The following LDB2 variants were observed in gnomAD, a reference collection of about 807,000 sequenced individuals.
LDB2 encodes the protein LIM domain-binding protein 2.
LDB2 carries 12 observed loss-of-function variants against 44.3 expected under a neutral mutation model. The ratio of observed to expected loss-of-function variants is 0.27; its 90% CI spans 0.17 to 0.44. The LOEUF (loss-of-function observed/expected upper bound fraction) is 0.44, where lower values mean the gene tolerates loss of function less well. Ranked by LOEUF, LDB2 falls within the 20% of genes least tolerant of loss-of-function variation. LDB2 has a pLI of 1.00. For missense variants in LDB2, 344 were observed against 473.5 expected (o/e 0.73, Z 2.54); for synonymous variants, 164 against 174.8 (o/e 0.94, Z 0.49).
intron 5 of LDB2, among the ~76,000 whole-genome samples, chr4:16,565,241 A>G (rs1200621944): frequency 1.3e-5 from 2 of 152,200 alleles, no homozygotes; most frequent in Non-Finnish European, 2.9e-5. Flanking sequence ...TGAGAACAGT[A>G]ATGATACCTA....
intron 1 of LDB2, among the ~76,000 whole-genome samples, chr4:16,894,147 A>G (rs1291351296): frequency 6.6e-6 from 1 of 152,036 alleles, no homozygotes; most frequent in Non-Finnish European, 1.5e-5. Context: ...TTTATATCCT[A>G]TCTGACTGTA....
chr4:16,841,325 A>G (rs535413347), intron 1 of LDB2, among the ~76,000 whole-genome samples: 1 of 152,244 alleles, frequency 6.6e-6, no homozygotes, highest in Non-Finnish European at 1.5e-5. Flanking sequence ...ACAATATCCC[A>G]GAACAATCAA....
intron 2 of LDB2, among the ~76,000 whole-genome samples, chr4:16,607,061 A>C (rs1373008915): frequency 2.0e-5 from 3 of 152,232 alleles, no homozygotes; most frequent in Admixed American, 6.5e-5. Context: ...TCAGGGTTGG[A>C]TATTATACAA....
At chr4:16,694,755 T>C (rs374789919) in intron 2 of LDB2, among the ~76,000 whole-genome samples, 15 of 152,368 alleles carry the variant, frequency 9.8e-5, no homozygotes, top group East Asian at 9.6e-4. Flanking sequence ...TACCACCATG[T>C]ACTCGTCGGC....
chr4:16,605,198 T>C (rs1723596807), intron 2 of LDB2, among the ~76,000 whole-genome samples: 1 of 152,196 alleles, frequency 6.6e-6, no homozygotes, highest in Admixed American at 6.5e-5. Context: ...TGATCATGAA[T>C]GGCACTTAAC....
chr4:16,825,238 A>T (rs1243395136), intron 1 of LDB2, among the ~76,000 whole-genome samples: 1 of 152,202 alleles, frequency 6.6e-6, no homozygotes, highest in African/African-American at 2.4e-5. Context: ...TATTCCTAAT[A>T]TGAATCCTCA....
intron 2 of LDB2, among the ~76,000 whole-genome samples, chr4:16,694,220 T>G (rs888989337): frequency 4.0e-4 from 61 of 152,212 alleles, no homozygotes; most frequent in Non-Finnish European, 2.9e-5. Flanking sequence ...TTTTAATGGA[T>G]TCCTGACCCT....
chr4:16,776,853 T>C (rs1381043695), intron 1 of LDB2, among the ~76,000 whole-genome samples: 1 of 152,212 alleles, frequency 6.6e-6, no homozygotes, highest in Non-Finnish European at 1.5e-5. Flanking sequence ...TCTTTAGAGC[T>C]GGGCTTCTCA....
chr4:16,559,712 G>A (rs1034069185), intron 5 of LDB2, among the ~76,000 whole-genome samples: 126 of 151,998 alleles, frequency 8.3e-4, no homozygotes, highest in African/African-American at 2.2e-3. Context: ...TGCACCAAGC[G>A]GACCTAATAG....
intron 1 of LDB2, among the ~76,000 whole-genome samples, chr4:16,806,213 T>C (rs1227781167): frequency 6.6e-6 from 1 of 152,220 alleles, no homozygotes; most frequent in Non-Finnish European, 1.5e-5. Context: ...GAGCAGCCAA[T>C]TAACATTCTA....
rs140711252 is a variant in LDB2, at chr4:16,618,813, C to A, written c.236-22938G>T. ...TAATCTTCAGTGTTGGAAGAGGGGCCTGGTGGGAGGTAAAGGAATCACAGG... is the reference window on the plus strand; with the variant it reads ...TAATCTTCAGTGTTGGAAGAGGGGCATGGTGGGAGGTAAAGGAATCACAGG... On this transcript the variant is annotated intron_variant, in intron 2 of 7. Transcript: ENST00000304523. Among the ~76,000 whole-genome samples the A allele has an allele frequency of 2.4e-4, 36 of 152,258 alleles. No homozygotes were observed. The East Asian group carries it at 7.0e-3, about 29-fold the overall frequency.
chr4:16,755,411 G>A (rs910821129), intron 2 of LDB2, among the ~76,000 whole-genome samples: 11 of 150,866 alleles, frequency 7.3e-5, no homozygotes, highest in African/African-American at 2.2e-4. Context: ...TCTGTTACCA[G>A]AAATGTGTGT....
chr4:16,667,479 AT>A (rs2152550743), intron 2 of LDB2, among the ~76,000 whole-genome samples: 1 of 152,238 alleles, frequency 6.6e-6, no homozygotes, highest in East Asian at 1.9e-4. Context: ...CAGACCTGGG[AT>A]CTCCTGATTC....
At chr4:16,731,725 T>C (rs1358715189) in intron 2 of LDB2, among the ~76,000 whole-genome samples, 2 of 152,152 alleles carry the variant, frequency 1.3e-5, no homozygotes, top group Non-Finnish European at 2.9e-5. Flanking sequence ...TCTAAGACAC[T>C]TGTAATTTCC....
At chr4:16,530,073 C>A (rs147016267) in intron 5 of LDB2, among the ~76,000 whole-genome samples, 1 of 152,158 alleles carries the variant, frequency 6.6e-6, no homozygotes, top group East Asian at 1.9e-4. Flanking sequence ...GATGGAGTCT[C>A]GGTTTCCCAA....
chr4:16,515,999 G>C (rs369877015), intron 5 of LDB2, among the ~76,000 whole-genome samples: 1 of 152,118 alleles, frequency 6.6e-6, no homozygotes, highest in Non-Finnish European at 1.5e-5. Context: ...GAGTAGCTGA[G>C]ACTACAGGCG....
At chr4:16,591,537 G>A (rs1029108679) in intron 3 of LDB2, among the ~76,000 whole-genome samples, 7 of 152,256 alleles carry the variant, frequency 4.6e-5, no homozygotes, top group South Asian at 2.1e-4. Context: ...AAAAATAAAT[G>A]ACTTATTTGA....
At chr4:16,808,206 A>C (rs1193680688) in intron 1 of LDB2, among the ~76,000 whole-genome samples, 1 of 152,244 alleles carries the variant, frequency 6.6e-6, no homozygotes, top group Non-Finnish European at 1.5e-5. Context: ...ATCTTTAATT[A>C]TAGCAACATG....
chr4:16,808,862 C>A (rs1199817274), intron 1 of LDB2, among the ~76,000 whole-genome samples: 2 of 152,078 alleles, frequency 1.3e-5, no homozygotes, highest in Admixed American at 6.6e-5. Flanking sequence ...ACATTTATGG[C>A]TAGCTCTCCA....
Sources: gnomAD v4.1 joint callset for allele counts (sites outside exome capture counted in the v4.1 genomes callset) on GRCh38, gnomAD v4.1.1 for gene constraint, MANE v1.5 for transcripts, NCBI Gene and HGNC (gene_info 2026-07-23, HGNC 2026-07-21) for gene names.